PRKG1: variants seen among roughly 807,000 people sequenced by gnomAD.
PRKG1 encodes the protein cGMP-dependent protein kinase 1.
A neutral mutation model predicts 88.1 loss-of-function variants in PRKG1; 35 were observed. The observed-to-expected ratio is 0.40, with a 90% confidence interval of 0.30 to 0.53. PRKG1 has a LOEUF of 0.53. PRKG1 is among the 20% of genes least tolerant of loss of function. PRKG1 has a pLI of 0.59. For missense variants in PRKG1, 540 were observed against 839.8 expected, an observed-to-expected ratio of 0.64 and a Z score of 4.41; for synonymous variants, 303 against 292.5, an observed-to-expected ratio of 1.04 and a Z score of -0.37.
intron 1 of PRKG1, among the ~76,000 whole-genome samples, chr10:51,107,514 C>T (rs983208772): frequency 1.3e-5 from 2 of 151,866 alleles, no homozygotes; most frequent in African/African-American, 4.8e-5. Context: ...ATCAATGAAT[C>T]TAAAAGTTAG....
At chr10:52,062,775 T>C in intron 7 of PRKG1, 144 bp downstream of exon 7, 1 of 742,646 alleles carries the variant, frequency 1.3e-6, no homozygotes, top group Non-Finnish European at 2.5e-6. Context: ...AATACATTTT[T>C]ATTTATTTTC....
At chr10:51,503,240 CT>C (rs989228645) in intron 3 of PRKG1, among the ~76,000 whole-genome samples, 6 of 152,154 alleles carry the variant, frequency 3.9e-5, no homozygotes, top group South Asian at 2.1e-4. Flanking sequence ...TAGAACCCTC[CT>C]TTTTTTATTT....
intron 10 of PRKG1, among the ~76,000 whole-genome samples, chr10:52,268,862 G>T (rs901586616): frequency 6.6e-6 from 1 of 151,952 alleles, no homozygotes; most frequent in African/African-American, 2.4e-5. Flanking sequence ...ATGCCCATTT[G>T]GTGGTGCGTT....
intron 1 of PRKG1, among the ~76,000 whole-genome samples, chr10:51,136,782 A>T (rs1845694847): frequency 6.6e-6 from 1 of 152,180 alleles, no homozygotes; most frequent in African/African-American, 2.4e-5. Flanking sequence ...TTTAGTATTT[A>T]TAATGTCGCC....
intron 2 of PRKG1, among the ~76,000 whole-genome samples, chr10:51,422,680 T>G (rs1838451328): frequency 1.3e-5 from 2 of 151,744 alleles, no homozygotes; most frequent in South Asian, 4.2e-4. Flanking sequence ...GGCCTCTGTC[T>G]AAGATTCTGC....
chr10:51,847,010 G>C (rs1840415728), intron 4 of PRKG1, among the ~76,000 whole-genome samples: 2 of 152,144 alleles, frequency 1.3e-5, no homozygotes, highest in African/African-American at 4.8e-5. Flanking sequence ...TCAAGTAGGA[G>C]GCTGGATGGG....
chr10:52,195,001 G>A (rs1297496614), intron 9 of PRKG1, among the ~76,000 whole-genome samples: 1 of 152,152 alleles, frequency 6.6e-6, no homozygotes. Context: ...TGAACTCTGA[G>A]AAAGTACCAG....
intron 7 of PRKG1, among the ~76,000 whole-genome samples, chr10:52,133,571 A>G (rs192486803): frequency 6.6e-6 from 1 of 152,242 alleles, no homozygotes; most frequent in East Asian, 1.9e-4. Context: ...CCCAAAGGGA[A>G]TGATATCAAA....
intron 12 of PRKG1, among the ~76,000 whole-genome samples, chr10:52,276,196 C>A (rs1454406114): frequency 3.9e-5 from 6 of 152,138 alleles, no homozygotes; most frequent in Non-Finnish European, 5.9e-5. Flanking sequence ...TCTCTGATTG[C>A]TCTGGCTAGG....
chr10:51,493,121 A>G (rs1360097874), intron 3 of PRKG1, among the ~76,000 whole-genome samples: 1 of 152,140 alleles, frequency 6.6e-6, no homozygotes, highest in Non-Finnish European at 1.5e-5. Flanking sequence ...AGCATTAACT[A>G]TAGGTCATTA....
At chr10:51,477,309 G>A (rs1039588542) in intron 3 of PRKG1, among the ~76,000 whole-genome samples, 1 of 150,014 alleles carries the variant, frequency 6.7e-6, no homozygotes, top group African/African-American at 2.5e-5. Flanking sequence ...AGATTACAAG[G>A]AATTCTTGGC....
intron 5 of PRKG1, among the ~76,000 whole-genome samples, chr10:51,945,962 T>C (rs1275593744): frequency 6.7e-6 from 1 of 150,336 alleles, no homozygotes. Context: ...AGGAGTATCT[T>C]TGTGGCGTTC....
At chr10:51,059,037 G>A (rs1843666221) in intron 1 of PRKG1, among the ~76,000 whole-genome samples, 1 of 152,078 alleles carries the variant, frequency 6.6e-6, no homozygotes, top group African/African-American at 2.4e-5. Flanking sequence ...ATGTTTGTTT[G>A]TTTGTTACTG....
intron 1 of PRKG1, among the ~76,000 whole-genome samples, chr10:51,026,615 G>A (rs1477192301): frequency 1.3e-5 from 2 of 152,140 alleles, no homozygotes. Context: ...GCTCTGTGCT[G>A]AGATGTGGCT....
At chr10:51,990,112 C>A (rs146415720) in intron 5 of PRKG1, among the ~76,000 whole-genome samples, 47 of 152,106 alleles carry the variant, frequency 3.1e-4, no homozygotes, top group African/African-American at 1.1e-3. Flanking sequence ...ATTCTTGGCA[C>A]CTTTGTCAAA....
chr10:51,940,522 G>A (rs1842884586), intron 5 of PRKG1, among the ~76,000 whole-genome samples: 1 of 151,782 alleles, frequency 6.6e-6, no homozygotes, highest in East Asian at 1.9e-4. Context: ...ACCTATGATG[G>A]CTATACTGGT....
Position 52,288,734 on chromosome 10 carries a change from T to C in PRKG1, c.1718T>C (p.Phe573Ser), listed in dbSNP as rs759603333. ...MYELLTGSPP[F>S]SGPDPMKTYN... Reference sequence around the variant, plus strand: ...GTCTCTCATTCTTGCAGCCCACCTTTCTCAGGCCCAGATCCTATGAAAACC... The same window carrying C: ...GTCTCTCATTCTTGCAGCCCACCTTCCTCAGGCCCAGATCCTATGAAAACC... The change falls in exon 15 of 18, where the codon TTC becomes TCC. Residue 573 changes from phenylalanine to serine, a missense_variant. Physicochemically the swap from Phe to Ser is radical, Grantham distance 155. Around this residue, in one of 5 missense-constraint regions of PRKG1, gnomAD observed 97 missense variants for 210.6 expected, o/e 0.46. Coordinates refer to ENST00000373980, the MANE Select transcript of PRKG1 (RefSeq NM_006258.4). The C allele has an allele frequency of 6.3e-7, 1 of 1,577,212 alleles. No homozygotes were observed. The highest frequency in any genetic ancestry group is 8.6e-7 in the Non-Finnish European group (1 of 1,169,462).
intron 4 of PRKG1, among the ~76,000 whole-genome samples, chr10:51,885,642 T>G (rs182245971): frequency 9.2e-5 from 14 of 152,354 alleles, no homozygotes; most frequent in Admixed American, 9.1e-4. Flanking sequence ...GTTCCCACCT[T>G]TAATACGCTG....
At chr10:52,272,105 C>T (rs1841744238) in intron 11 of PRKG1, among the ~76,000 whole-genome samples, 1 of 152,038 alleles carries the variant, frequency 6.6e-6, no homozygotes, top group South Asian at 2.1e-4. Context: ...GGTCTATGCT[C>T]AAAACATTAC....
Sources: allele counts gnomAD v4.1 joint callset (sites outside exome capture counted in the v4.1 genomes callset), GRCh38; gene constraint gnomAD v4.1.1; regional missense constraint gnomAD v4.1.1; transcripts MANE v1.5; gene names NCBI Gene and HGNC (gene_info 2026-07-23, HGNC 2026-07-21).